The following FGF2 variants were observed in gnomAD, a reference collection of about 807,000 sequenced individuals.
FGF2 encodes the protein fibroblast growth factor 2, also known as basic fibroblast growth factor bFGF.
In FGF2, 13 loss-of-function variants were observed where a neutral mutation model predicts 15.9. The observed-to-expected ratio is 0.82, with a 90% CI of 0.53 to 1.30. FGF2 has a LOEUF of 1.30. Ranked by LOEUF, FGF2 falls within the 50% of genes most tolerant of loss-of-function variation. The probability of loss-of-function intolerance (pLI) is 0.00; values close to 1 mark genes in which losing one functional copy is unlikely to be tolerated. For synonymous variants in FGF2, 90 were observed against 78.4 expected, an observed-to-expected ratio of 1.15 and a Z score of -0.78; for missense variants, 163 against 196.9, an observed-to-expected ratio of 0.83 and a Z score of 1.03.
chr4:122,834,555 G>A (rs1422986926), intron 1 of FGF2, among the ~76,000 whole-genome samples: 1 of 152,130 alleles, frequency 6.6e-6, no homozygotes, highest in African/African-American at 2.4e-5. Flanking sequence ...AGTATTGTCT[G>A]CCTCTGACTT....
intron 1 of FGF2, among the ~76,000 whole-genome samples, chr4:122,838,912 G>T (rs1188503362): frequency 6.6e-6 from 1 of 152,198 alleles, no homozygotes; most frequent in African/African-American, 2.4e-5. Context: ...CAGACCTCAT[G>T]TATGATGGTG....
intron 1 of FGF2, among the ~76,000 whole-genome samples, chr4:122,830,661 G>A (rs1453040403): frequency 6.6e-6 from 1 of 152,024 alleles, no homozygotes; most frequent in Non-Finnish European, 1.5e-5. Flanking sequence ...ATAATATTAA[G>A]TATGTACTCT....
At position 122,894,526 on chromosome 4, in the gene FGF2, G is replaced by A. The variant is rs1204385825; in HGVS notation, c.*2130G>A. ...CACTTGAGGCTGAGAGGTCAAGGTT[G>A]CAGTGAGCCATAATCGTGCCACTGC... On this transcript the variant is annotated 3_prime_UTR_variant, in exon 3 of 3. Transcript: ENST00000644866. 2 of 152,182 alleles carry A rather than the reference G, an allele frequency of 1.3e-5. No individual in the cohort carries two copies. Among genetic ancestry groups the A allele is most frequent in the Non-Finnish European group, 2.9e-5 (2 of 68,046 alleles). 9.4% of individuals were successfully genotyped at this position (152,182 alleles called of 1,614,324 possible).
Position 122,827,073 on chromosome 4 carries a change from C to A in FGF2, c.-102C>A. 1 of 1,125,314 alleles carries A rather than the reference C, an allele frequency of 8.9e-7. No homozygotes were observed. The highest frequency in any genetic ancestry group is 1.1e-6 in the Non-Finnish European group (1 of 920,792). The allele number at this position is 1,125,314 out of a possible 1,614,324, so 69.7% of individuals were successfully genotyped here. On this transcript the variant is annotated 5_prime_UTR_variant, in exon 1 of 3. Transcript: ENST00000644866. This position sits in a 1 kb window ranked among gnomAD's most constrained non-coding sequence, Gnocchi z 4.2. Reference sequence around the variant, plus strand: ...GAGGCTGGGGGGCCGGGGCCGGGGCCGTGCCCCGGAGCGGGTCGGAGGCCG... The same window carrying A: ...GAGGCTGGGGGGCCGGGGCCGGGGCAGTGCCCCGGAGCGGGTCGGAGGCCG...
chr4:122,869,677 C>T (rs976935726), intron 1 of FGF2, among the ~76,000 whole-genome samples: 18 of 152,170 alleles, frequency 1.2e-4, no homozygotes, highest in African/African-American at 4.3e-4. Flanking sequence ...GATTTTTCCA[C>T]ATTGATTTTG....
intron 1 of FGF2, among the ~76,000 whole-genome samples, chr4:122,845,884 C>T (rs1406986970): frequency 6.6e-6 from 1 of 152,162 alleles, no homozygotes; most frequent in African/African-American, 2.4e-5. Flanking sequence ...TTCAAGAATT[C>T]TTCTTTTGCA....
At chr4:122,849,165 G>C (rs986546593) in intron 1 of FGF2, among the ~76,000 whole-genome samples, 2 of 152,134 alleles carry the variant, frequency 1.3e-5, no homozygotes, top group East Asian at 3.8e-4. Context: ...CTCTTTGGTG[G>C]CTTAGTTGCT....
At chr4:122,892,166 A>G (rs1465835615) in intron 2 of FGF2, 45 bp from the exon 3 acceptor site, 1 of 1,411,546 alleles carries the variant, frequency 7.1e-7, no homozygotes, top group Non-Finnish European at 1.0e-6. Context: ...AAGTGTAATA[A>G]TAATAATGAT....
intron 1 of FGF2, among the ~76,000 whole-genome samples, chr4:122,830,114 A>G (rs781707384): frequency 6.6e-6 from 1 of 152,224 alleles, no homozygotes; most frequent in Non-Finnish European, 1.5e-5. Flanking sequence ...CTTTGTGCCT[A>G]CATGTTTTCT....
intron 1 of FGF2, among the ~76,000 whole-genome samples, chr4:122,842,446 G>C (rs1004329676): frequency 6.6e-6 from 1 of 152,142 alleles, no homozygotes; most frequent in South Asian, 2.1e-4. Flanking sequence ...CTGACATCTG[G>C]GAGAGAACCA....
intron 2 of FGF2, chr4:122,881,939 G>A (rs111795702): frequency 0.041 from 6,353 of 153,918 alleles, 424 homozygotes; most frequent in African/African-American, 0.14. Flanking sequence ...TCACAATCAC[G>A]GCGGAAGGCA....
At chr4:122,833,482 T>C (rs1415550868) in intron 1 of FGF2, among the ~76,000 whole-genome samples, 3 of 152,208 alleles carry the variant, frequency 2.0e-5, no homozygotes, top group Non-Finnish European at 4.4e-5. Flanking sequence ...GAAAAAAGTA[T>C]TTTTTAAAAG....
chr4:122,836,743 T>A (rs1468212846), intron 1 of FGF2, among the ~76,000 whole-genome samples: 4 of 152,226 alleles, frequency 2.6e-5, no homozygotes, highest in Non-Finnish European at 2.9e-5. Flanking sequence ...TACTATAGTA[T>A]GAGGCATATA....
At chr4:122,869,448 G>C (rs1488000881) in intron 1 of FGF2, among the ~76,000 whole-genome samples, 2 of 152,106 alleles carry the variant, frequency 1.3e-5, no homozygotes, top group East Asian at 1.9e-4. Flanking sequence ...TTTCACGATA[G>C]TGATTCTTCC....
intron 1 of FGF2, among the ~76,000 whole-genome samples, chr4:122,845,484 G>C (rs28853921): frequency 6.6e-6 from 1 of 152,210 alleles, no homozygotes; most frequent in Non-Finnish European, 1.5e-5. Flanking sequence ...CCAAGAAAAG[G>C]CTGTTTTGTC....
intron 2 of FGF2, chr4:122,884,833 G>C (rs577939771): frequency 6.6e-6 from 1 of 152,400 alleles, no homozygotes; most frequent in African/African-American, 2.4e-5. Flanking sequence ...GGGGGGATGT[G>C]AGGAGAACTT....
At chr4:122,862,123 C>G (rs1266866382) in intron 1 of FGF2, among the ~76,000 whole-genome samples, 3 of 152,168 alleles carry the variant, frequency 2.0e-5, no homozygotes, top group African/African-American at 7.2e-5. Flanking sequence ...CTTTGGGCTT[C>G]CTATTGCTTA....
At chr4:122,838,671 G>T (rs1179870689) in intron 1 of FGF2, among the ~76,000 whole-genome samples, 1 of 152,150 alleles carries the variant, frequency 6.6e-6, no homozygotes, top group Non-Finnish European at 1.5e-5. Context: ...CAGAGGCTTT[G>T]CCATGTCCAG....
intron 1 of FGF2, among the ~76,000 whole-genome samples, chr4:122,851,037 C>T (rs1423690426): frequency 6.6e-6 from 1 of 152,122 alleles, no homozygotes; most frequent in African/African-American, 2.4e-5. Flanking sequence ...TTCATCCATT[C>T]CCCTACTTCC....
Sources: gnomAD v4.1 joint callset for allele counts (sites outside exome capture counted in the v4.1 genomes callset) on GRCh38, gnomAD v4.1.1 for gene constraint, Gnocchi (gnomAD v3.1) non-coding constraint, MANE v1.5 for transcripts, NCBI Gene and HGNC (gene_info 2026-07-23, HGNC 2026-07-21) for gene names.